Variants in MRC1 observed in about 807,000 individuals in gnomAD.
MRC1 encodes mannose receptor C-type 1, also known as macrophage mannose receptor 1.
MRC1 carries 62 observed loss-of-function variants against 102.9 expected under a neutral mutation model. That is an observed-to-expected ratio of 0.60 (90% CI 0.49 to 0.74). The LOEUF is 0.74. MRC1 is among the 30% of genes least tolerant of loss of function. The pLI is 0.00. For synonymous variants in MRC1, 457 were observed against 298.4 expected (o/e 1.53, Z -5.48); for missense variants, 1,237 against 862.8 (o/e 1.43, Z -5.43).
At chr10:17,812,567 C>CTTTTTTT (rs879229292) in intron 1 of MRC1, among the ~76,000 whole-genome samples, 1 of 79,906 alleles carries the variant, frequency 1.3e-5, no homozygotes, top group Non-Finnish European at 2.2e-5. Context: ...CAACAGTAGG[C>CTTTTTTT]TTTTTTTTTT....
intron 22 of MRC1, among the ~76,000 whole-genome samples, chr10:17,887,318 G>T (rs1201021393): frequency 6.6e-6 from 1 of 152,314 alleles, no homozygotes; most frequent in South Asian, 2.1e-4. Context: ...ATGAACCCCG[G>T]AGGCGGAGCT....
Position 17,880,571 on chromosome 10 carries a change from C to A in MRC1, c.2766C>A (p.Cys922Ter). The A allele has an allele frequency of 1.3e-6, 1 of 780,786 alleles. No homozygotes were observed. The allele number at this position is 780,786 out of a possible 1,614,324, so 48.4% of individuals were successfully genotyped here. The stretch of plus-strand genomic sequence containing the variant: ...GTGGCTATCCAAACGCCTTCATTTG[C>A]CAGCGACATAACAGTAGTATCAATG... ...INCGYPNAFI[C>*]QRHNSSINAT... The change falls in exon 20 of 30, where the codon TGC (cysteine) becomes TGA (stop). Residue 922 changes from cysteine to a stop codon, truncating the protein, a stop_gained. Transcript: ENST00000569591. LOFTEE classifies it high-confidence loss of function.
At chr10:17,847,947 G>A (rs1838851194) in intron 6 of MRC1, among the ~76,000 whole-genome samples, 1 of 141,400 alleles carries the variant, frequency 7.1e-6, no homozygotes, top group African/African-American at 2.6e-5. Context: ...TGTAACCACT[G>A]GAAGTGCACA....
intron 4 of MRC1, 103 bp from the exon 5 acceptor site, chr10:17,840,590 C>T: frequency 1.3e-6 from 1 of 750,156 alleles, no homozygotes; most frequent in Non-Finnish European, 2.5e-6. Context: ...TGTTACTTCC[C>T]TCAGTGACAT....
intron 15 of MRC1, 101 bp downstream of exon 15, chr10:17,872,227 A>G: frequency 1.3e-6 from 1 of 775,196 alleles, no homozygotes; most frequent in South Asian, 1.4e-5. Context: ...ACAAAATAAC[A>G]AAATCAGGAA....
At chr10:17,905,469 T>C (rs921879330) in intron 26 of MRC1, among the ~76,000 whole-genome samples, 306 of 152,266 alleles carry the variant, frequency 2.0e-3, no homozygotes, top group African/African-American at 7.1e-3. Context: ...TGATGCCTTG[T>C]TTGAACTTTT....
rs1050666965 is a variant in MRC1 at position 17,889,799 on chromosome 10, T to A, written c.3147+4364T>A. Among the ~76,000 whole-genome samples the A allele has an allele frequency of 1.3e-3, 197 of 152,320 alleles. 1 individual carries two copies. Among genetic ancestry groups the A allele is most frequent in the African/African-American group, 4.2e-3 (176 of 41,572 alleles). ...ACTTTTTACATTAGAGTCCTTAGTA[T>A]ATTATTCATAGTTGTTTAACAACAA... On this transcript the variant is annotated intron_variant, in intron 22 of 29. Coordinates refer to ENST00000569591, the MANE Select transcript of MRC1 (RefSeq NM_002438.4).
At chr10:17,879,677 C>T in intron 18 of MRC1, 44 bp from the exon 19 acceptor site, 1 of 780,750 alleles carries the variant, frequency 1.3e-6, no homozygotes, top group South Asian at 1.3e-5. Flanking sequence ...TCCAATTAGT[C>T]TAATGATTGG....
intron 28 of MRC1, among the ~76,000 whole-genome samples, chr10:17,908,054 G>A (rs1356335878): frequency 6.6e-6 from 1 of 152,224 alleles, no homozygotes; most frequent in Non-Finnish European, 1.5e-5. Context: ...GGAGACCAGG[G>A]TTCTGGAGAG....
At chr10:17,840,577 T>A in intron 4 of MRC1, 116 bp from the exon 5 acceptor site, 2 of 727,336 alleles carry the variant, frequency 2.7e-6, no homozygotes, top group Non-Finnish European at 5.1e-6. Context: ...TAGGCATGAT[T>A]ATTGTTACTT....
chr10:17,849,182 G>A (rs1402307272), intron 6 of MRC1, among the ~76,000 whole-genome samples: 2 of 151,300 alleles, frequency 1.3e-5, no homozygotes, highest in Non-Finnish European at 2.9e-5. Context: ...ATGCCCTGTA[G>A]TAGCAGCTAC....
chr10:17,855,352 A>G (rs1158695758), intron 8 of MRC1, among the ~76,000 whole-genome samples: 11 of 151,690 alleles, frequency 7.3e-5, no homozygotes, highest in Non-Finnish European at 1.5e-4. Flanking sequence ...CAGGCGGATC[A>G]TGAGGTCGGG....
rs1554840146 is a variant in MRC1 at position 17,845,381 on chromosome 10, G to A, written c.1009G>A (p.Gly337Ser). The A allele has an allele frequency of 2.6e-6, 2 of 780,772 alleles. No individual in the cohort carries two copies. The highest frequency in any genetic ancestry group is 4.8e-6 in the Non-Finnish European group (2 of 417,956). 48.4% of individuals were successfully genotyped at this position (780,772 alleles called of 1,614,324 possible). Residue 337 changes from glycine (G) to serine (S), a missense_variant, in exon 6 of 30, where the codon GGC becomes AGC. Transcript: ENST00000569591. ...WENLECVQKL[G>S]YICKKGNTTL... The stretch of plus-strand genomic sequence containing the variant: ...AAATCTGGAATGTGTTCAGAAACTG[G>A]GCTATATTTGCAAAAAGGGCAACAC...
intron 21 of MRC1, among the ~76,000 whole-genome samples, chr10:17,882,224 A>G (rs1833530385): frequency 6.6e-6 from 1 of 152,162 alleles, no homozygotes; most frequent in Admixed American, 6.5e-5. Flanking sequence ...ACTGCAAGTG[A>G]GTCAGGGTTG....
At chr10:17,860,978 T>C (rs1307704599) in intron 9 of MRC1, among the ~76,000 whole-genome samples, 1 of 152,216 alleles carries the variant, frequency 6.6e-6, no homozygotes, top group Non-Finnish European at 1.5e-5. Context: ...ATTCCTATTG[T>C]TTATCCAATA....
At chr10:17,850,682 T>A (rs1374374188) in intron 7 of MRC1, among the ~76,000 whole-genome samples, 2 of 152,110 alleles carry the variant, frequency 1.3e-5, no homozygotes, top group Non-Finnish European at 2.9e-5. Context: ...TGCTCTTCAT[T>A]TCCCCCCAGC....
intron 24 of MRC1, 84 bp downstream of exon 24, chr10:17,898,350 T>C: frequency 1.3e-6 from 1 of 779,650 alleles, no homozygotes; most frequent in Admixed American, 1.7e-5. Flanking sequence ...TTCTGTTGAA[T>C]ACTCATTATG....
In MRC1 at chr10:17,910,673, A is replaced by G. The variant is rs1833957281; in HGVS notation, c.*208A>G. The stretch of plus-strand genomic sequence containing the variant: ...AAGAGGGATAACAATGCTGATTACT[A>G]CCTTTTAAAATATTTTAGATAAATG... On this transcript the variant is annotated 3_prime_UTR_variant, in exon 30 of 30. Coordinates refer to ENST00000569591, the MANE Select transcript of MRC1 (RefSeq NM_002438.4). 6.6e-6 allele frequency: 4 copies of G among 609,510 alleles called. No homozygotes were observed. Among genetic ancestry groups the G allele is most frequent in the Non-Finnish European group, 1.2e-5 (4 of 342,670 alleles). 37.8% of individuals were successfully genotyped at this position (609,510 alleles called of 1,614,324 possible). A position where few individuals can be genotyped will look rare whatever the true frequency, so the allele number is the denominator to read the frequency against.
chr10:17,880,628 C>G lies in MRC1; in HGVS notation c.2823C>G (p.Val941=), dbSNP rs1833500451. ...CAGTTATGCCTACCATGCCCTCGGT[C>G]CCATCAGGGTGCAAGGAAGGTTGGA... ...ATTVMPTMPS[V]PSGCKEGWNF... Residue 941 remains valine, a synonymous_variant, in exon 20 of 30, where the codon GTC becomes GTG. Transcript: ENST00000569591. 1.3e-6 allele frequency: 1 copy of G among 780,808 alleles called. No homozygotes were observed. The allele number at this position is 780,808 out of a possible 1,614,324, so 48.4% of individuals were successfully genotyped here. A position where few individuals can be genotyped will look rare whatever the true frequency, so the allele number is the denominator to read the frequency against.
Sources: allele counts gnomAD v4.1 joint callset (sites outside exome capture counted in the v4.1 genomes callset), GRCh38; gene constraint gnomAD v4.1.1; transcripts MANE v1.5; gene names NCBI Gene and HGNC (gene_info 2026-07-23, HGNC 2026-07-21).